Variants in CTNND2 observed in about 807,000 individuals in gnomAD.
CTNND2 encodes the protein catenin delta-2.
A neutral mutation model predicts 144.4 loss-of-function variants in CTNND2; 22 were observed. That is an observed-to-expected ratio of 0.15 (90% CI 0.11 to 0.22). The LOEUF (loss-of-function observed/expected upper bound fraction) is 0.22. Among genes scored for constraint, CTNND2 ranks in the 10% least tolerant of loss-of-function variants. CTNND2 has a pLI of 1.00. For synonymous variants in CTNND2, 751 were observed against 695.6 expected (o/e 1.08, Z -1.25); for missense variants, 1,353 against 1,618.8 (o/e 0.84, Z 2.82).
At chr5:11,060,348 C>T (rs1366393417) in intron 16 of CTNND2, among the ~76,000 whole-genome samples, 5 of 152,190 alleles carry the variant, frequency 3.3e-5, no homozygotes, top group East Asian at 3.9e-4. Context: ...TGACTAGGTA[C>T]GTGGTCCTGT....
chr5:11,069,977 T>TAGA (rs1748073778), intron 16 of CTNND2, among the ~76,000 whole-genome samples: 1 of 152,194 alleles, frequency 6.6e-6, no homozygotes, highest in Admixed American at 6.5e-5. Context: ...AGCAACCCCG[T>TAGA]AGATGAAATG....
chr5:11,677,387 G>C (rs551648390), intron 2 of CTNND2, among the ~76,000 whole-genome samples: 169 of 152,316 alleles, frequency 1.1e-3, no homozygotes, highest in Non-Finnish European at 1.7e-3. Context: ...AACCTCTCCT[G>C]GTTCTGAGAG....
intron 11 of CTNND2, among the ~76,000 whole-genome samples, chr5:11,183,899 GTC>G (rs890243375): frequency 6.6e-6 from 1 of 152,034 alleles, no homozygotes; most frequent in Admixed American, 6.6e-5. Flanking sequence ...CGCTCATGCT[GTC>G]TCTCTCTGTC....
intron 21 of CTNND2, among the ~76,000 whole-genome samples, chr5:10,979,654 A>AT (rs756877359): frequency 2.6e-5 from 4 of 152,164 alleles, no homozygotes; most frequent in Non-Finnish European, 5.9e-5. Context: ...ACACACACAT[A>AT]TACTCTCTCT....
intron 3 of CTNND2, among the ~76,000 whole-genome samples, chr5:11,479,865 G>A (rs1768084312): frequency 1.3e-5 from 2 of 151,776 alleles, no homozygotes. Flanking sequence ...GTTGGTTTAA[G>A]TTCTTATAAA....
At chr5:11,811,202 G>T (rs1270777966) in intron 1 of CTNND2, among the ~76,000 whole-genome samples, 1 of 152,138 alleles carries the variant, frequency 6.6e-6, no homozygotes, top group Non-Finnish European at 1.5e-5. Flanking sequence ...GACTCTGACC[G>T]TCCAACTCCA....
chr5:11,563,533 T>C (rs1249036218), intron 3 of CTNND2, among the ~76,000 whole-genome samples: 1 of 152,254 alleles, frequency 6.6e-6, no homozygotes, highest in Non-Finnish European at 1.5e-5. Flanking sequence ...TTGTTTTCAT[T>C]ATCCATCCTG....
intron 7 of CTNND2, among the ~76,000 whole-genome samples, chr5:11,373,940 G>A (rs1355462324): frequency 6.6e-6 from 1 of 152,168 alleles, no homozygotes; most frequent in Non-Finnish European, 1.5e-5. Context: ...CATGCCTCCT[G>A]CTGGGAAGTC....
intron 2 of CTNND2, among the ~76,000 whole-genome samples, chr5:11,586,464 T>C (rs1778868966): frequency 1.3e-5 from 2 of 152,272 alleles, no homozygotes; most frequent in South Asian, 4.1e-4. Context: ...ACTTCTAAAA[T>C]AGCCACAAAA....
At chr5:11,883,684 G>A (rs545644056) in intron 1 of CTNND2, among the ~76,000 whole-genome samples, 9 of 152,240 alleles carry the variant, frequency 5.9e-5, no homozygotes, top group Middle Eastern at 6.8e-3. Flanking sequence ...ACAATCCTTC[G>A]GTTATATACC....
At chr5:11,193,918 G>T (rs987018288) in intron 11 of CTNND2, among the ~76,000 whole-genome samples, 4 of 152,148 alleles carry the variant, frequency 2.6e-5, no homozygotes, top group African/African-American at 9.7e-5. Context: ...CCTGGCTTCT[G>T]TCAGCAACAG....
At chr5:11,317,930 G>A (rs947495557) in intron 9 of CTNND2, among the ~76,000 whole-genome samples, 1 of 152,174 alleles carries the variant, frequency 6.6e-6, no homozygotes, top group East Asian at 1.9e-4. Flanking sequence ...TACTAAAATA[G>A]TATCTGGATT....
chr5:11,257,453 G>A (rs1033730810), intron 9 of CTNND2, among the ~76,000 whole-genome samples: 3 of 152,170 alleles, frequency 2.0e-5, no homozygotes, highest in African/African-American at 4.8e-5. Context: ...GTTCTGCATC[G>A]CCGGGGAGGC....
intron 3 of CTNND2, among the ~76,000 whole-genome samples, chr5:11,483,358 G>C (rs548030124): frequency 6.6e-6 from 1 of 152,342 alleles, no homozygotes; most frequent in African/African-American, 2.4e-5. Flanking sequence ...GCTATGAGGA[G>C]TGTGACCTGT....
rs1253738320 is a variant in CTNND2, at chr5:11,677,374, T to C, written c.174+54762A>G. Among the ~76,000 whole-genome samples the C allele has an allele frequency of 3.3e-5, 5 of 152,224 alleles. No homozygotes were observed. In the East Asian group the frequency reaches 9.6e-4, roughly 29 times the overall value. On this transcript the variant is annotated intron_variant, in intron 2 of 21. Coordinates refer to ENST00000304623, the MANE Select transcript of CTNND2 (RefSeq NM_001332.4). Reference sequence around the variant, plus strand: ...ACTATCTGCCCCTGAGTAGAGCTCCTGGAACCTCTCCTGGTTCTGAGAGCT... The same window carrying C: ...ACTATCTGCCCCTGAGTAGAGCTCCCGGAACCTCTCCTGGTTCTGAGAGCT...
chr5:11,476,833 G>A (rs1440173808), intron 3 of CTNND2, among the ~76,000 whole-genome samples: 2 of 152,180 alleles, frequency 1.3e-5, no homozygotes, highest in African/African-American at 2.4e-5. Context: ...AATCATGGTT[G>A]TGGGATTAGA....
At chr5:11,248,407 T>C (rs1743229544) in intron 9 of CTNND2, among the ~76,000 whole-genome samples, 3 of 151,984 alleles carry the variant, frequency 2.0e-5, no homozygotes, top group African/African-American at 4.8e-5. Flanking sequence ...GTGTATAATA[T>C]ATAGTGTGTA....
intron 16 of CTNND2, among the ~76,000 whole-genome samples, chr5:11,031,597 C>A (rs1743482143): frequency 6.6e-6 from 1 of 152,062 alleles, no homozygotes; most frequent in Admixed American, 6.5e-5. Flanking sequence ...AGTAGTGTTT[C>A]TGGTGTGTCT....
intron 2 of CTNND2, among the ~76,000 whole-genome samples, chr5:11,674,622 T>A (rs1581703345): frequency 6.6e-6 from 1 of 152,258 alleles, no homozygotes; most frequent in African/African-American, 2.4e-5. Context: ...GATAAACTCA[T>A]GTACATGAAT....
Sources: allele counts gnomAD v4.1 joint callset (sites outside exome capture counted in the v4.1 genomes callset), GRCh38; gene constraint gnomAD v4.1.1; transcripts MANE v1.5; gene names NCBI Gene and HGNC (gene_info 2026-07-23, HGNC 2026-07-21).